The following UBAP2 variants were observed in gnomAD, a reference collection of about 807,000 sequenced individuals.
UBAP2 encodes ubiquitin-associated protein 2.
In UBAP2, 75 loss-of-function variants were observed where a neutral mutation model predicts 139.6. The ratio of observed to expected loss-of-function variants is 0.54; its 90% CI spans 0.45 to 0.65. UBAP2 has a LOEUF of 0.65. UBAP2 is among the 30% of genes least tolerant of loss of function. The pLI is 0.00. For missense variants in UBAP2, 1,368 were observed against 1,369.6 expected (o/e 1.00, Z 0.02); for synonymous variants, 526 against 526.2 (o/e 1.00, Z 0.01).
intron 8 of UBAP2, among the ~76,000 whole-genome samples, chr9:33,966,337 T>C (rs988256858): frequency 1.3e-5 from 2 of 151,148 alleles, no homozygotes; most frequent in African/African-American, 4.9e-5. Flanking sequence ...TGCACACCTG[T>C]AATCCTAGCT....
At chr9:34,029,480 G>C (rs549887784) in intron 1 of UBAP2, among the ~76,000 whole-genome samples, 1 of 151,118 alleles carries the variant, frequency 6.6e-6, no homozygotes, top group South Asian at 2.1e-4. Context: ...AATGAGCCAA[G>C]ATTATGCCAC....
intron 6 of UBAP2, among the ~76,000 whole-genome samples, chr9:33,974,944 G>C (rs1042301458): frequency 6.7e-6 from 1 of 149,854 alleles, no homozygotes; most frequent in African/African-American, 2.5e-5. Flanking sequence ...AAAAAAGGGG[G>C]GGGTGCGGGG....
chr9:33,937,871 G>A (rs907174479), intron 16 of UBAP2, among the ~76,000 whole-genome samples: 13 of 152,000 alleles, frequency 8.6e-5, no homozygotes, highest in Non-Finnish European at 1.8e-4. Context: ...GCAGTGAGCC[G>A]GGACCGTGGC....
Position 33,927,905 on chromosome 9 carries a change from C to G in UBAP2, c.2263G>C (p.Gly755Arg). The change falls in exon 20 of 29, where the codon GGC (glycine) becomes CGC (arginine). Residue 755 changes from glycine to arginine, a missense_variant. Gly to Arg is a moderately radical substitution (Grantham distance 125). Coordinates refer to ENST00000379238, the MANE Select transcript of UBAP2 (RefSeq NM_001370062.2). ...ATSVSSSASS[G>R]ASLSSSMNTA... The stretch of plus-strand genomic sequence containing the variant: ...TTCATGCTACTGGACAGGCTGGCGC[C>G]TGAGGATGCGGAACTTGAGACGGAG... The G allele has an allele frequency of 6.2e-7, 1 of 1,614,210 alleles. No homozygotes were observed.
At position 33,941,847 on chromosome 9, in the gene UBAP2, T is replaced by G. The variant is rs764383624; in HGVS notation, c.1731A>C (p.Thr577=). 1.8e-5 allele frequency: 29 copies of G among 1,613,734 alleles called. 1 individual carries two copies. The highest frequency in any genetic ancestry group is 2.4e-5 in the Non-Finnish European group (28 of 1,179,828). Residue 577 remains threonine (T), a synonymous_variant, in exon 16 of 29, where the codon ACA becomes ACC. Coordinates refer to ENST00000379238, the MANE Select transcript of UBAP2 (RefSeq NM_001370062.2). ...YSKSLSEPLN[T]SLSMTSAVQN... ...GTACTGCACTGGTCATTGATAAAGA[T>G]GTATTCAAAGGCTCACTGAAAAGAG...
At chr9:34,000,587 A>G (rs192378436) in intron 2 of UBAP2, among the ~76,000 whole-genome samples, 1 of 152,374 alleles carries the variant, frequency 6.6e-6, no homozygotes, top group East Asian at 1.9e-4. Flanking sequence ...AACCAAGTCT[A>G]TACTAACTCC....
intron 1 of UBAP2, among the ~76,000 whole-genome samples, chr9:34,028,678 C>G (rs531593141): frequency 1.3e-5 from 2 of 152,020 alleles, no homozygotes; most frequent in Non-Finnish European, 2.9e-5. Flanking sequence ...CTGCGACCAG[C>G]CTTAAACCTT....
At chr9:33,936,130 A>C (rs752956560) in intron 16 of UBAP2, among the ~76,000 whole-genome samples, 2 of 152,034 alleles carry the variant, frequency 1.3e-5, no homozygotes, top group African/African-American at 2.4e-5. Flanking sequence ...CTACAGGTGC[A>C]TCCTACCATG....
intron 22 of UBAP2, among the ~76,000 whole-genome samples, chr9:33,925,587 G>A (rs1222264724): frequency 1.3e-5 from 2 of 152,186 alleles, no homozygotes; most frequent in Non-Finnish European, 1.5e-5. Context: ...CTGCAGTTTG[G>A]GCCTTTGGCC....
chr9:33,949,216 G>T (rs1825894233), intron 12 of UBAP2, among the ~76,000 whole-genome samples: 1 of 151,666 alleles, frequency 6.6e-6, no homozygotes, highest in South Asian at 2.1e-4. Context: ...AATAAAAAGT[G>T]ATGTCATAAG....
chr9:33,926,534 G>A, intron 22 of UBAP2, 83 bp downstream of exon 22: 5 of 1,477,644 alleles, frequency 3.4e-6, no homozygotes, highest in Middle Eastern at 1.7e-4. Context: ...AAGGGCCAGA[G>A]AGTGTGGCAG....
chr9:33,973,362 C>CA (rs1323275794), intron 6 of UBAP2, 125 bp from the exon 7 acceptor site: 1 of 1,014,878 alleles, frequency 9.9e-7, no homozygotes, highest in East Asian at 2.5e-5. Context: ...ACCAACATTC[C>CA]AATCCAGGGC....
In UBAP2 at chr9:33,923,913, G is replaced by A; in HGVS notation, c.2678C>T (p.Thr893Ile). The change falls in exon 24 of 29, where the codon ACC (threonine) becomes ATC (isoleucine). Residue 893 changes from threonine (T) to isoleucine (I), a missense_variant. Physicochemically the swap from Thr to Ile is moderately conservative, Grantham distance 89. Transcript: ENST00000379238. ...GAAGGGCTGCTGGGCTGTGTGGTGG[G>A]TCTGTGATTGGCTCTGCTGTGGCTG... ...PAQPQQSQSQTHHTAQQPFVN... is the reference protein window; with the variant it reads ...PAQPQQSQSQIHHTAQQPFVN... 1 of 1,614,226 alleles carries A rather than the reference G, an allele frequency of 6.2e-7. No individual in the cohort carries two copies. The highest frequency in any genetic ancestry group is 8.5e-7 in the Non-Finnish European group (1 of 1,180,040).
chr9:34,040,106 C>A (rs1263958653), intron 1 of UBAP2, among the ~76,000 whole-genome samples: 1 of 151,508 alleles, frequency 6.6e-6, no homozygotes, highest in Admixed American at 6.6e-5. Context: ...TTGCGTTGAG[C>A]CAAGATCACG....
intron 1 of UBAP2, among the ~76,000 whole-genome samples, chr9:34,027,599 T>C (rs1825513237): frequency 6.6e-6 from 1 of 151,916 alleles, no homozygotes; most frequent in East Asian, 1.9e-4. Flanking sequence ...GGCTCACGCC[T>C]GTAATCCCAG....
At chr9:33,983,942 C>T (rs533082785) in intron 6 of UBAP2, among the ~76,000 whole-genome samples, 1 of 151,402 alleles carries the variant, frequency 6.6e-6, no homozygotes, top group South Asian at 2.1e-4. Context: ...GACAGAGCAT[C>T]ACTCTGTCAC....
intron 1 of UBAP2, among the ~76,000 whole-genome samples, chr9:34,036,686 A>C (rs1295633336): frequency 6.6e-6 from 1 of 152,204 alleles, no homozygotes; most frequent in Non-Finnish European, 1.5e-5. Context: ...GTTCAAGTGA[A>C]CACCTATAGA....
intron 16 of UBAP2, among the ~76,000 whole-genome samples, chr9:33,937,599 C>CAAAAA (rs1185167927): frequency 4.2e-4 from 36 of 85,494 alleles, no homozygotes; most frequent in Non-Finnish European, 4.6e-4. Context: ...GACTCTGTCT[C>CAAAAA]AAAAAAAAAA....
chr9:33,956,443 T>C (rs1275374507), intron 10 of UBAP2, among the ~76,000 whole-genome samples: 16 of 151,772 alleles, frequency 1.1e-4, no homozygotes, highest in Admixed American at 1.1e-3. Flanking sequence ...CTCAGCCTCC[T>C]GAGTAGCTGG....
Sources: gnomAD v4.1 joint callset for allele counts (sites outside exome capture counted in the v4.1 genomes callset) on GRCh38, gnomAD v4.1.1 for gene constraint, MANE v1.5 for transcripts, NCBI Gene and HGNC (gene_info 2026-07-23, HGNC 2026-07-21) for gene names.